Variants in CACNA1E observed in about 807,000 individuals in gnomAD.
The protein encoded by CACNA1E is calcium voltage-gated channel subunit alpha1 E, also known as voltage-dependent R-type calcium channel subunit alpha-1E.
CACNA1E carries 40 observed loss-of-function variants against 259.2 expected under a neutral mutation model. That is an observed-to-expected ratio of 0.15 (90% confidence interval 0.12 to 0.20). CACNA1E has a LOEUF of 0.20. CACNA1E is among the 10% of genes least tolerant of loss of function. CACNA1E has a pLI of 1.00. For missense variants in CACNA1E, 1,874 were observed against 3,040.1 expected (o/e 0.62, Z 9.02); for synonymous variants, 1,104 against 1,138.5 (o/e 0.97, Z 0.61).
In CACNA1E at chr1:181,766,529, C is replaced by T. The variant is rs771448561; in HGVS notation, c.4816-17C>T. 1.2e-6 allele frequency: 2 copies of T among 1,600,698 alleles called. No individual in the cohort carries two copies. Among genetic ancestry groups the T allele is most frequent in the South Asian group, 2.2e-5 (2 of 90,670 alleles). ...TGCTTTTCTTTGATTAACGTCTTAT[C>T]TCTGCTTTCCTTCCAGGCCCTCCCT... On this transcript the variant is annotated splice_polypyrimidine_tract_variant and intron_variant, in intron 34 of 47. Transcript: ENST00000367573.
intron 1 of CACNA1E, among the ~76,000 whole-genome samples, chr1:181,394,911 G>A (rs1656553196): frequency 1.3e-5 from 2 of 152,306 alleles, no homozygotes; most frequent in East Asian, 1.9e-4. Flanking sequence ...GTAACAGGAA[G>A]CCAGATGGTG....
chr1:181,482,894 G>C (rs1014513596), upstream of CACNA1E, among the ~76,000 whole-genome samples: 1 of 152,272 alleles, frequency 6.6e-6, no homozygotes, highest in African/African-American at 2.4e-5. Flanking sequence ...GGGAGGCGGC[G>C]GTGGCGAGCG....
intron 1 of CACNA1E, among the ~76,000 whole-genome samples, chr1:181,510,238 C>T (rs1666051939): frequency 6.6e-6 from 1 of 152,070 alleles, no homozygotes; most frequent in Non-Finnish European, 1.5e-5. Context: ...ATATACGTTC[C>T]TTTTTTGGAG....
chr1:181,649,784 T>C (rs777500887), intron 6 of CACNA1E, among the ~76,000 whole-genome samples: 7 of 152,032 alleles, frequency 4.6e-5, no homozygotes, highest in East Asian at 1.9e-4. Flanking sequence ...TTCTCACTTA[T>C]AGGTGGGGGA....
intron 6 of CACNA1E, among the ~76,000 whole-genome samples, chr1:181,608,152 G>A (rs374109567): frequency 6.6e-6 from 1 of 152,320 alleles, no homozygotes; most frequent in East Asian, 1.9e-4. Flanking sequence ...AGGGAGCTGG[G>A]TGATGCAGTT....
chr1:181,499,038 A>T (rs1428381808), intron 1 of CACNA1E, among the ~76,000 whole-genome samples: 4 of 152,256 alleles, frequency 2.6e-5, no homozygotes, highest in African/African-American at 9.6e-5. Context: ...ACAGTGACTC[A>T]GAAAAATGGT....
At chr1:181,689,253 T>C (rs1182608214) in intron 7 of CACNA1E, among the ~76,000 whole-genome samples, 1 of 152,200 alleles carries the variant, frequency 6.6e-6, no homozygotes, top group Non-Finnish European at 1.5e-5. Flanking sequence ...GTTCTTGTGT[T>C]AGTTTGCTGA....
intron 3 of CACNA1E, among the ~76,000 whole-genome samples, chr1:181,572,035 A>T (rs891737036): frequency 5.3e-5 from 8 of 152,200 alleles, no homozygotes; most frequent in Non-Finnish European, 7.3e-5. Context: ...TTGCACTAAA[A>T]ATTATTTATC....
intron 2 of CACNA1E, among the ~76,000 whole-genome samples, chr1:181,419,856 C>T (rs1031698495): frequency 2.0e-5 from 3 of 152,192 alleles, no homozygotes; most frequent in Non-Finnish European, 2.9e-5. Flanking sequence ...GGAGTCTGTT[C>T]TCTGCCCCAC....
intron 7 of CACNA1E, among the ~76,000 whole-genome samples, chr1:181,700,169 A>G (rs1248803071): frequency 6.6e-6 from 1 of 152,130 alleles, no homozygotes; most frequent in Non-Finnish European, 1.5e-5. Flanking sequence ...CAAACAAAAG[A>G]GTGGGTGTCA....
chr1:181,715,368 A>G lies in CACNA1E; in HGVS notation c.1202A>G (p.Asn401Ser), dbSNP rs746325499. ...GTCATGCTCGCTGAAGAAAATAAAA[A>G]TGCTGGAACATCCGCCTTAGAAGGT... ...EEVMLAEENK[N>S]AGTSALEVLR... The change falls in exon 9 of 48, where the codon AAT becomes AGT. Residue 401 changes from asparagine to serine, a missense_variant. Asn to Ser is a conservative substitution (Grantham distance 46). Coordinates refer to ENST00000367573, the MANE Select transcript of CACNA1E (RefSeq NM_001205293.3). The G allele has an allele frequency of 5.6e-6, 9 of 1,600,602 alleles. No homozygotes were observed. Among genetic ancestry groups the G allele is most frequent in the Non-Finnish European group, 7.7e-6 (9 of 1,170,410 alleles).
chr1:181,534,701 A>G (rs10910950), intron 3 of CACNA1E, among the ~76,000 whole-genome samples: 2,188 of 152,228 alleles, frequency 0.014, 71 homozygotes, highest in East Asian at 0.14. Flanking sequence ...AAGAATGAGT[A>G]AAAAAGAAAA....
At chr1:181,369,824 A>C (rs1363634883) in intron 1 of CACNA1E, among the ~76,000 whole-genome samples, 38 of 152,218 alleles carry the variant, frequency 2.5e-4, no homozygotes, top group Admixed American at 2.5e-3. Flanking sequence ...TTTTAGGCTC[A>C]AGGGTACATG....
At chr1:181,543,852 G>A (rs985710078) in intron 3 of CACNA1E, among the ~76,000 whole-genome samples, 37 of 152,172 alleles carry the variant, frequency 2.4e-4, no homozygotes, top group Non-Finnish European at 5.4e-4. Flanking sequence ...ATATTGAGCA[G>A]GAATATGGAG....
chr1:181,674,321 A>G (rs1649136258), intron 7 of CACNA1E, among the ~76,000 whole-genome samples: 1 of 129,918 alleles, frequency 7.7e-6, no homozygotes, highest in African/African-American at 2.9e-5. Context: ...TGAACCTGGG[A>G]GGCGGAGCTT....
At chr1:181,613,532 A>C (rs1654940105) in intron 6 of CACNA1E, among the ~76,000 whole-genome samples, 1 of 152,196 alleles carries the variant, frequency 6.6e-6, no homozygotes, top group Admixed American at 6.5e-5. Flanking sequence ...TTTCACATTG[A>C]GTAGGCTGAG....
intron 3 of CACNA1E, among the ~76,000 whole-genome samples, chr1:181,543,451 T>C (rs562712963): frequency 5.4e-4 from 83 of 152,302 alleles, no homozygotes; most frequent in African/African-American, 2.0e-3. Context: ...TGTAATGATA[T>C]TTGGAGGTAG....
chr1:181,788,472 A>T (rs1661029083), intron 43 of CACNA1E, among the ~76,000 whole-genome samples: 1 of 152,198 alleles, frequency 6.6e-6, no homozygotes, highest in African/African-American at 2.4e-5. Flanking sequence ...ATTTTCAGTG[A>T]TTTACTTACA....
intron 3 of CACNA1E, among the ~76,000 whole-genome samples, chr1:181,566,920 G>A (rs547359499): frequency 6.6e-6 from 1 of 152,142 alleles, no homozygotes; most frequent in East Asian, 1.9e-4. Context: ...GTGGGAGGGG[G>A]TTGGCAGGAG....
Sources: gnomAD v4.1 joint callset for allele counts (sites outside exome capture counted in the v4.1 genomes callset) on GRCh38, gnomAD v4.1.1 for gene constraint, MANE v1.5 for transcripts, NCBI Gene and HGNC (gene_info 2026-07-23, HGNC 2026-07-21) for gene names.